Variants in DENND10 observed in about 807,000 individuals in gnomAD.
DENND10 encodes DENN domain containing 10, also known as DENN domain-containing protein 10.
Under a neutral mutation model 43.6 loss-of-function variants are expected in DENND10, and 24 were observed. The observed-to-expected ratio is 0.55, with a 90% CI of 0.40 to 0.77. DENND10 has a LOEUF of 0.77. Ranked by LOEUF, DENND10 falls within the 30% of genes least tolerant of loss-of-function variation. The pLI, the probability that DENND10 is intolerant of heterozygous loss-of-function variation, is 0.00. For synonymous variants in DENND10, 125 were observed against 157.6 expected (o/e 0.79, Z 1.55); for missense variants, 303 against 429.9 (o/e 0.70, Z 2.61).
At chr10:119,114,925 A>T (rs1845173954) in intron 3 of DENND10, among the ~76,000 whole-genome samples, 1 of 151,894 alleles carries the variant, frequency 6.6e-6, no homozygotes, top group Non-Finnish European at 1.5e-5. Context: ...GCACACCACC[A>T]CACCTGGCTA....
At chr10:119,124,871 G>A (rs1055847967) in intron 6 of DENND10, among the ~76,000 whole-genome samples, 1 of 151,950 alleles carries the variant, frequency 6.6e-6, no homozygotes, top group African/African-American at 2.4e-5. Flanking sequence ...AGACCAGCCT[G>A]GGCAACATAG....
chr10:119,111,279 A>C (rs1011480266), intron 2 of DENND10, among the ~76,000 whole-genome samples: 63 of 151,578 alleles, frequency 4.2e-4, no homozygotes, highest in Non-Finnish European at 8.5e-4. Flanking sequence ...AAAAAAAAAA[A>C]AAAACTGGAA....
At chr10:119,114,853 T>C (rs1400922720) in intron 3 of DENND10, among the ~76,000 whole-genome samples, 1 of 151,614 alleles carries the variant, frequency 6.6e-6, no homozygotes, top group Non-Finnish European at 1.5e-5. Flanking sequence ...CACTACCACC[T>C]CCAACTCATG....
intron 5 of DENND10, among the ~76,000 whole-genome samples, chr10:119,122,213 T>C (rs1043771579): frequency 2.0e-5 from 3 of 151,736 alleles, no homozygotes; most frequent in Admixed American, 2.0e-4. Context: ...GAGGCTGAGG[T>C]GGGAGAATCG....
At position 119,108,314 on chromosome 10, in the gene DENND10, C is replaced by T. The variant is rs1333252875; in HGVS notation, c.252+150C>T. On this transcript the variant is annotated intron_variant, in intron 2 of 8. Transcript: ENST00000361432. Reference sequence around the variant, plus strand: ...CCTGGCCAGCAAGGTGAAACCCCATCTCTACTAAAAACACAAAAATTAGCT... The same window carrying T: ...CCTGGCCAGCAAGGTGAAACCCCATTTCTACTAAAAACACAAAAATTAGCT... 3 of 656,208 alleles carry T rather than the reference C, an allele frequency of 4.6e-6. No homozygotes were observed. The African/African-American group carries it at 5.5e-5, about 12-fold the overall frequency. The allele number at this position is 656,208 out of a possible 1,614,324, so 40.6% of individuals were successfully genotyped here.
At position 119,113,104 on chromosome 10, in the gene DENND10, G is replaced by C. The variant is rs539480522; in HGVS notation, c.332+1176G>C. On this transcript the variant is annotated intron_variant, in intron 3 of 8. Coordinates refer to ENST00000361432, the MANE Select transcript of DENND10 (RefSeq NM_207009.4). Reference sequence around the variant, plus strand: ...GACCTCAAGTGATCCGCCCGCCTTGGCCTCCCAAAGTGCTGGGATTATAGG... The same window carrying C: ...GACCTCAAGTGATCCGCCCGCCTTGCCCTCCCAAAGTGCTGGGATTATAGG... Among the ~76,000 whole-genome samples, 18 of 151,304 alleles carry C rather than the reference G, an allele frequency of 1.2e-4. No homozygotes were observed. The South Asian group carries it at 3.8e-3, about 32-fold the overall frequency.
chr10:119,122,150 A>G (rs573940528), intron 5 of DENND10, among the ~76,000 whole-genome samples: 1 of 152,236 alleles, frequency 6.6e-6, no homozygotes, highest in Admixed American at 6.5e-5. Flanking sequence ...CTATAAAAAA[A>G]TACAAAAATT....
Position 119,136,533 on chromosome 10 carries a change from T to A in DENND10, c.960T>A (p.Ala320=), listed in dbSNP as rs555288163. The A allele has an allele frequency of 6.3e-7, 1 of 1,588,630 alleles. No individual in the cohort carries two copies. Among genetic ancestry groups the A allele is most frequent in the Admixed American group, 2.0e-5 (1 of 51,074 alleles). The change falls in exon 9 of 9, where the codon GCT becomes GCA. Residue 320 remains alanine (A), a synonymous_variant. Coordinates refer to ENST00000361432, the MANE Select transcript of DENND10 (RefSeq NM_207009.4). ...TAGCACCGTTTTCAGAAGTTTCGGCTGATGGAGAAAAGAGAGTCCTTAATT... is the reference window on the plus strand; with the variant it reads ...TAGCACCGTTTTCAGAAGTTTCGGCAGATGGAGAAAAGAGAGTCCTTAATT... ...TNLAPFSEVS[A]DGEKRVLNLE... is the part of the protein sequence containing the mutation.
Position 119,132,430 on chromosome 10 carries a change from C to T in DENND10, c.803-85C>T. 1 of 1,085,392 alleles carries T rather than the reference C, an allele frequency of 9.2e-7. No individual in the cohort carries two copies. The highest frequency in any genetic ancestry group is 1.3e-5 in the South Asian group (1 of 78,818). The allele number at this position is 1,085,392 out of a possible 1,614,324, so 67.2% of individuals were successfully genotyped here. ...ATCAGCTGCTTTTTGAAAATTCCCT[C>T]AGTGTGGTCTTCCAAGTTTTCAGAT... On this transcript the variant is annotated intron_variant, in intron 7 of 8. Transcript: ENST00000361432. The surrounding 1 kb of genome is among the most constrained non-coding windows in gnomAD (Gnocchi z 4.2).
intron 2 of DENND10, 53 bp downstream of exon 2, chr10:119,108,217 G>T (rs915014410): frequency 2.3e-6 from 3 of 1,297,932 alleles, no homozygotes; most frequent in African/African-American, 3.0e-5. Flanking sequence ...GGGCGCGGTG[G>T]CTCATGCCTG....
At chr10:119,117,822 C>T (rs1845369194) in intron 4 of DENND10, among the ~76,000 whole-genome samples, 155 bp downstream of exon 4, 1 of 152,080 alleles carries the variant, frequency 6.6e-6, no homozygotes, top group African/African-American at 2.4e-5. Flanking sequence ...AAAAAATTAG[C>T]CGGGCGTGGT....
chr10:119,104,115 C>T lies in DENND10; in HGVS notation c.-28C>T, dbSNP rs1045493691. On this transcript the variant is annotated 5_prime_UTR_variant, in exon 1 of 9. Transcript: ENST00000361432. ...GCGAGGCCGGTCCTGCAGGCGGCAG[C>T]CAGAGCTGCGCGCCGCGGCGGCGGA... 5.4e-6 allele frequency: 8 copies of T among 1,489,710 alleles called. No homozygotes were observed. In the African/African-American group the frequency reaches 8.8e-5, roughly 16 times the overall value. 92.3% of individuals were successfully genotyped at this position (1,489,710 alleles called of 1,614,324 possible).
chr10:119,109,269 A>C (rs1253376491), intron 2 of DENND10, among the ~76,000 whole-genome samples: 1 of 151,760 alleles, frequency 6.6e-6, no homozygotes. Context: ...CTTGTGTATT[A>C]AGTAGACTTT....
At chr10:119,115,181 TC>T (rs1021973447) in intron 3 of DENND10, among the ~76,000 whole-genome samples, 5 of 151,882 alleles carry the variant, frequency 3.3e-5, no homozygotes, top group Admixed American at 3.3e-4. Flanking sequence ...CTCCTCCTGT[TC>T]CCAGACTCCA....
At chr10:119,126,342 T>C (rs1002719866) in intron 6 of DENND10, among the ~76,000 whole-genome samples, 2 of 152,216 alleles carry the variant, frequency 1.3e-5, no homozygotes, top group Non-Finnish European at 2.9e-5. Flanking sequence ...CTGGATCATA[T>C]GGTAGTTCTA....
intron 3 of DENND10, among the ~76,000 whole-genome samples, chr10:119,115,405 T>TTTTTTTTTTTTTTTTTTTA: frequency 1.1e-5 from 1 of 91,682 alleles, no homozygotes; most frequent in South Asian, 4.3e-4. Flanking sequence ...TTTTTTTTTT[T>TTTTTTTTTTTTTTTTTTTA]GAGACGGAGT....
At chr10:119,134,725 T>G (rs918722892) in intron 8 of DENND10, 50 of 152,126 alleles carry the variant, frequency 3.3e-4, no homozygotes, top group African/African-American at 1.2e-3. Flanking sequence ...GCGTGGCAGG[T>G]GCCGGGTTAC....
chr10:119,121,346 A>C (rs1161225857), intron 5 of DENND10, among the ~76,000 whole-genome samples: 1 of 147,836 alleles, frequency 6.8e-6, no homozygotes, highest in Non-Finnish European at 1.5e-5. Context: ...GGGTCTCACT[A>C]TGTTGGCCAG....
At chr10:119,107,009 CA>C (rs1314516728) in intron 1 of DENND10, among the ~76,000 whole-genome samples, 6 of 151,670 alleles carry the variant, frequency 4.0e-5, no homozygotes, top group African/African-American at 1.5e-4. Context: ...GAGATCACTG[CA>C]TTGCACTCCA....
Sources: gnomAD v4.1 joint callset for allele counts (sites outside exome capture counted in the v4.1 genomes callset) on GRCh38, gnomAD v4.1.1 for gene constraint, Gnocchi (gnomAD v3.1) non-coding constraint, MANE v1.5 for transcripts, NCBI Gene and HGNC (gene_info 2026-07-23, HGNC 2026-07-21) for gene names.